Variants in FRMD3 observed in about 807,000 individuals in gnomAD.
FRMD3 encodes FERM domain containing 3.
Under a neutral mutation model 70.2 loss-of-function variants are expected in FRMD3, and 33 were observed. That is an observed-to-expected ratio of 0.47 (90% CI 0.36 to 0.63). The LOEUF is 0.63. Ranked by LOEUF, FRMD3 falls within the 20% of genes least tolerant of loss-of-function variation. The pLI, the probability that FRMD3 is intolerant of heterozygous loss-of-function variation, is 0.00. For synonymous variants in FRMD3, 279 were observed against 255.9 expected, an observed-to-expected ratio of 1.09 and a Z score of -0.86; for missense variants, 632 against 711.4, an observed-to-expected ratio of 0.89 and a Z score of 1.27.
intron 1 of FRMD3, among the ~76,000 whole-genome samples, chr9:83,420,515 G>A (rs1826601588): frequency 6.6e-6 from 1 of 152,112 alleles, no homozygotes; most frequent in South Asian, 2.1e-4. Context: ...AAACCTAAAA[G>A]ATACCTTTGG....
chr9:83,334,468 C>T (rs186779002), intron 6 of FRMD3, among the ~76,000 whole-genome samples: 26 of 152,292 alleles, frequency 1.7e-4, no homozygotes, highest in Non-Finnish European at 2.9e-4. Context: ...GAACAATTTC[C>T]TCACACCGGG....
chr9:83,434,105 C>G (rs1197334868), intron 1 of FRMD3, among the ~76,000 whole-genome samples: 1 of 152,214 alleles, frequency 6.6e-6, no homozygotes, highest in Non-Finnish European at 1.5e-5. Flanking sequence ...TCATAAACTT[C>G]CTTCCTCAAG....
At chr9:83,572,489 T>C in the FRMD3 span, among the ~76,000 whole-genome samples, 2 of 152,072 alleles carry the variant, frequency 1.3e-5, no homozygotes, top group African/African-American at 4.8e-5. Context: ...CATTTCTCAG[T>C]GAAAGAATAT....
At chr9:83,495,197 G>A (rs1249300808) in intron 1 of FRMD3, among the ~76,000 whole-genome samples, 1 of 152,158 alleles carries the variant, frequency 6.6e-6, no homozygotes, top group African/African-American at 2.4e-5. Flanking sequence ...AGCAGAGTTG[G>A]GGGACAAAGA....
At chr9:83,558,578 A>ACCCATGGAT in the FRMD3 span, among the ~76,000 whole-genome samples, 1 of 152,182 alleles carries the variant, frequency 6.6e-6, no homozygotes, top group Non-Finnish European at 1.5e-5. Context: ...CCATTCTGCC[A>ACCCATGGAT]CCCATGGATC....
At chr9:83,318,466 T>C (rs77741399) in intron 6 of FRMD3, among the ~76,000 whole-genome samples, 1,801 of 150,546 alleles carry the variant, frequency 0.012, 16 homozygotes, top group Non-Finnish European at 0.021. Flanking sequence ...CCATGCTATA[T>C]ATATTATATA....
intron 6 of FRMD3, among the ~76,000 whole-genome samples, chr9:83,328,494 T>C (rs1195780640): frequency 6.6e-6 from 1 of 152,234 alleles, no homozygotes; most frequent in East Asian, 1.9e-4. Flanking sequence ...AGCATAGAAA[T>C]TGGCTGTCAA....
intron 13 of FRMD3, among the ~76,000 whole-genome samples, chr9:83,265,395 T>TAA (rs59688591): frequency 0.085 from 6,563 of 77,232 alleles, 481 homozygotes; most frequent in Non-Finnish European, 0.12. Flanking sequence ...GCGAGACTCT[T>TAA]AAAAAAAAAA....
At chr9:83,346,876 G>T (rs1050488015) in intron 4 of FRMD3, among the ~76,000 whole-genome samples, 6 of 151,952 alleles carry the variant, frequency 3.9e-5, no homozygotes, top group African/African-American at 1.5e-4. Context: ...GCTGGCCCAG[G>T]GACCTCACTT....
intron 6 of FRMD3, among the ~76,000 whole-genome samples, chr9:83,316,781 T>C (rs1177272131): frequency 6.6e-6 from 1 of 152,222 alleles, no homozygotes; most frequent in Non-Finnish European, 1.5e-5. Context: ...TTAACAACTA[T>C]ATTGACAGGG....
intron 1 of FRMD3, among the ~76,000 whole-genome samples, chr9:83,524,650 T>C (rs1351704060): frequency 6.6e-6 from 1 of 152,132 alleles, no homozygotes; most frequent in Non-Finnish European, 1.5e-5. Flanking sequence ...AAACCTAAAA[T>C]ACAAGACACA....
intron 1 of FRMD3, among the ~76,000 whole-genome samples, chr9:83,401,028 C>T (rs745645291): frequency 1.1e-4 from 16 of 152,210 alleles, no homozygotes; most frequent in Non-Finnish European, 2.1e-4. Flanking sequence ...ATGCTAGCAT[C>T]ACCTCCTCTT....
intron 1 of FRMD3, among the ~76,000 whole-genome samples, chr9:83,434,045 G>A (rs1456910598): frequency 6.6e-6 from 1 of 152,350 alleles, no homozygotes; most frequent in Non-Finnish European, 1.5e-5. Flanking sequence ...AGGGCTTCCT[G>A]TCTGGAGCTC....
intron 13 of FRMD3, among the ~76,000 whole-genome samples, chr9:83,268,621 G>C (rs532379838): frequency 6.6e-6 from 1 of 152,160 alleles, no homozygotes; most frequent in African/African-American, 2.4e-5. Context: ...ACTGAAAAAA[G>C]CATCTTTATA....
chr9:83,492,849 T>C (rs531552112), intron 1 of FRMD3, among the ~76,000 whole-genome samples: 8 of 152,286 alleles, frequency 5.3e-5, no homozygotes, highest in African/African-American at 1.9e-4. Flanking sequence ...TATGGGTTGA[T>C]GGAAAATTCG....
At chr9:83,493,005 C>T (rs1298984671) in intron 1 of FRMD3, among the ~76,000 whole-genome samples, 3 of 152,122 alleles carry the variant, frequency 2.0e-5, no homozygotes, top group Non-Finnish European at 2.9e-5. Context: ...TTGCAGATGC[C>T]TCCAGCTTTA....
intron 13 of FRMD3, among the ~76,000 whole-genome samples, chr9:83,250,216 C>A (rs1832337062): frequency 6.6e-6 from 1 of 152,166 alleles, no homozygotes; most frequent in Admixed American, 6.5e-5. Flanking sequence ...CCCCGACCCC[C>A]AGCCAAGTGC....
chr9:83,257,144 G>A (rs117176127), intron 13 of FRMD3, among the ~76,000 whole-genome samples: 19 of 152,222 alleles, frequency 1.2e-4, no homozygotes, highest in Non-Finnish European at 2.4e-4. Context: ...CTGATAGGCT[G>A]GATAAAGAAA....
At chr9:83,495,659 G>A (rs1029676183) in intron 1 of FRMD3, among the ~76,000 whole-genome samples, 15 of 152,200 alleles carry the variant, frequency 9.9e-5, no homozygotes, top group African/African-American at 3.6e-4. Flanking sequence ...TCTGGACATA[G>A]TACCTGCATG....
Sources: gnomAD v4.1 joint callset for allele counts (sites outside exome capture counted in the v4.1 genomes callset) on GRCh38, gnomAD v4.1.1 for gene constraint, MANE v1.5 for transcripts, NCBI Gene and HGNC (gene_info 2026-07-23, HGNC 2026-07-21) for gene names.